Variants in SENP7 observed in about 807,000 individuals in gnomAD.
SENP7 encodes the protein sentrin-specific protease 7.
Under a neutral mutation model 141.2 loss-of-function variants are expected in SENP7, and 64 were observed. The ratio of observed to expected loss-of-function variants is 0.45; its 90% CI spans 0.37 to 0.56. The LOEUF (loss-of-function observed/expected upper bound fraction) is 0.56. Ranked by LOEUF, SENP7 falls within the 20% of genes least tolerant of loss-of-function variation. The pLI, the probability that SENP7 is intolerant of heterozygous loss-of-function variation, is 0.00. For missense variants in SENP7, 1,025 were observed against 1,212.2 expected, an observed-to-expected ratio of 0.85 and a Z score of 2.29; for synonymous variants, 382 against 426.4, an observed-to-expected ratio of 0.90 and a Z score of 1.28.
Position 101,340,202 on chromosome 3 carries a change from T to C in SENP7, c.2250A>G (p.Val750=). ...CCCCCTTAGTAGGTGGTGGAGGATATACAATCAACCTTAAAAGTAAAAATA... is the reference window on the plus strand; with the variant it reads ...CCCCCTTAGTAGGTGGTGGAGGATACACAATCAACCTTAAAAGTAAAAATA... The part of the protein sequence containing the change: ...RHTGLVQKLI[V]YPPPPTKGGL... Residue 750 remains valine (V), a synonymous_variant, in exon 16 of 24, where the codon GTA becomes GTG. Transcript: ENST00000394095. The C allele has an allele frequency of 6.3e-7, 1 of 1,593,034 alleles. No homozygotes were observed. The highest frequency in any genetic ancestry group is 8.5e-7 in the Non-Finnish European group (1 of 1,172,788).
At position 101,398,971 on chromosome 3, in the gene SENP7, A is replaced by G. The variant is rs535176751; in HGVS notation, c.567T>C (p.Ser189=). ...ATTGCAAGTTGTCTGTATCACTCAAACTTCCCTCAGTTACAGGTGGGGTCC... is the reference window on the plus strand; with the variant it reads ...ATTGCAAGTTGTCTGTATCACTCAAGCTTCCCTCAGTTACAGGTGGGGTCC... The part of the protein sequence containing the change: ...YIRTPPVTEG[S]LSDTDNLQSE... Residue 189 remains serine, a synonymous_variant, in exon 6 of 24, where the codon AGT becomes AGC. Coordinates refer to ENST00000394095, the MANE Select transcript of SENP7 (RefSeq NM_020654.5). 2 of 1,613,826 alleles carry G rather than the reference A, an allele frequency of 1.2e-6. No homozygotes were observed. Among genetic ancestry groups the G allele is most frequent in the African/African-American group, 1.3e-5 (1 of 75,034 alleles).
At chr3:101,457,363 C>T in intron 4 of SENP7, 1 of 1,413,456 alleles carries the variant, frequency 7.1e-7, no homozygotes, top group Non-Finnish European at 9.9e-7. Context: ...GGCAAAGCTT[C>T]AGCCAGTCTG....
chr3:101,470,813 C>T (rs541365918), intron 3 of SENP7, among the ~76,000 whole-genome samples: 4 of 152,272 alleles, frequency 2.6e-5, no homozygotes, highest in African/African-American at 9.6e-5. Flanking sequence ...TCTCAGGATA[C>T]AAAATAAATG....
chr3:101,331,325 A>C (rs1317160913), intron 19 of SENP7, among the ~76,000 whole-genome samples: 1 of 151,892 alleles, frequency 6.6e-6, no homozygotes, highest in Non-Finnish European at 1.5e-5. Flanking sequence ...ACAAAAAAAA[A>C]TTTAAAAATA....
At chr3:101,494,011 T>C (rs6791803) in intron 2 of SENP7, 43 bp from the exon 3 acceptor site, 98,459 of 1,239,476 alleles carry the variant, frequency 0.079, 4,467 homozygotes, top group African/African-American at 0.15. Flanking sequence ...TTGAACTATA[T>C]ACAAGAGCTA....
upstream of SENP7, chr3:101,513,212 G>GAAAAAAAAAAAAAAAAAAAA (rs1254138448): frequency 1.5e-5 from 2 of 132,840 alleles, no homozygotes; most frequent in Non-Finnish European, 1.3e-5. Context: ...GGAGGGGAAA[G>GAAAAAAAAAAAAAAAAAAAA]GAAAAAAAAA....
rs1186977070 is a variant in SENP7 at position 101,427,510 on chromosome 3, T to A, written c.285-9720A>T. Among the ~76,000 whole-genome samples the A allele has an allele frequency of 1.4e-4, 16 of 116,152 alleles. No homozygotes were observed. In the South Asian group the frequency reaches 1.4e-3, roughly 10 times the overall value. 76.2% of individuals were successfully genotyped at this position (116,152 alleles called of 152,430 possible). On this transcript the variant is annotated intron_variant, in intron 4 of 23. Coordinates refer to ENST00000394095, the MANE Select transcript of SENP7 (RefSeq NM_020654.5). ...GTCTCCAAAAAAAAAAAAAAAAAAA[T>A]TTGATTTATCACATAAACAGAGCTA...
At chr3:101,495,020 G>T (rs1420946951) in intron 2 of SENP7, among the ~76,000 whole-genome samples, 1 of 152,052 alleles carries the variant, frequency 6.6e-6, no homozygotes, top group Non-Finnish European at 1.5e-5. Context: ...AGAAAAATTT[G>T]GCAGTCTATC....
chr3:101,351,495 ATTT>A (rs527477781), intron 12 of SENP7, 120 bp downstream of exon 12: 2 of 750,148 alleles, frequency 2.7e-6, no homozygotes, highest in Non-Finnish European at 3.8e-6. Context: ...ATTATAAAAC[ATTT>A]TTACTCCATT....
intron 5 of SENP7, among the ~76,000 whole-genome samples, chr3:101,411,499 T>C (rs1251411273): frequency 6.6e-6 from 1 of 152,170 alleles, no homozygotes; most frequent in African/African-American, 2.4e-5. Context: ...TTATCCAGTT[T>C]GGGTACCCTG....
chr3:101,427,924 C>A (rs1357757873), intron 4 of SENP7, among the ~76,000 whole-genome samples: 3 of 151,892 alleles, frequency 2.0e-5, no homozygotes, highest in Non-Finnish European at 4.4e-5. Flanking sequence ...TCAACTCCCA[C>A]TTATGAGTGA....
chr3:101,381,608 T>A (rs951953359), intron 6 of SENP7, among the ~76,000 whole-genome samples: 2 of 152,026 alleles, frequency 1.3e-5, no homozygotes, highest in African/African-American at 4.8e-5. Flanking sequence ...AAATTACATA[T>A]AGATAATAAT....
At position 101,345,925 on chromosome 3, in the gene SENP7, A is replaced by C. The variant is rs542500602; in HGVS notation, c.1837+1947T>G. ...AAACAACAATAAATAGGTGGGACTT[A>C]ATTAAACTAAAGAGCTTTTGCATGG... On this transcript the variant is annotated intron_variant, in intron 13 of 23. Transcript: ENST00000394095. 3.9e-5 allele frequency among the ~76,000 whole-genome samples: 6 copies of C among 152,358 alleles called. No homozygotes were observed. The South Asian group carries it at 1.2e-3, about 32-fold the overall frequency.
intron 3 of SENP7, among the ~76,000 whole-genome samples, chr3:101,470,792 C>A (rs1382960870): frequency 1.3e-5 from 2 of 152,206 alleles, no homozygotes; most frequent in African/African-American, 4.8e-5. Flanking sequence ...TGAGAAGCAA[C>A]TTCAGCAAAG....
Position 101,493,892 on chromosome 3 carries a change from C to G in SENP7, c.167G>C (p.Arg56Pro). Residue 56 changes from arginine to proline, a missense_variant, in exon 3 of 24, where the codon CGC (arginine) becomes CCC (proline). Arg to Pro is a moderately radical substitution (Grantham distance 103, BLOSUM62 -2). Coordinates refer to ENST00000394095, the MANE Select transcript of SENP7 (RefSeq NM_020654.5). ...SPLSKFRSSE[R>P]WTLPLQWERS... is the part of the protein sequence containing the mutation. Reference sequence around the variant, plus strand: ...TACCACCTGCAAAGGGAGAGTCCAGCGTTCTGAGCTTCTGAATTTGGACAG... The same window carrying G: ...TACCACCTGCAAAGGGAGAGTCCAGGGTTCTGAGCTTCTGAATTTGGACAG... 1 of 1,601,256 alleles carries G rather than the reference C, an allele frequency of 6.2e-7. No individual in the cohort carries two copies. Among genetic ancestry groups the G allele is most frequent in the Non-Finnish European group, 8.5e-7 (1 of 1,170,520 alleles).
intron 9 of SENP7, among the ~76,000 whole-genome samples, chr3:101,365,344 A>G (rs1046530473): frequency 8.6e-5 from 13 of 151,938 alleles, no homozygotes; most frequent in African/African-American, 3.1e-4. Flanking sequence ...ATATCAAAAA[A>G]AGAACTTTTG....
intron 3 of SENP7, among the ~76,000 whole-genome samples, chr3:101,460,588 T>C (rs76236761): frequency 0.024 from 3,651 of 152,036 alleles, 170 homozygotes; most frequent in African/African-American, 0.084. Flanking sequence ...GCTAAAATTA[T>C]GAAACTCTTA....
chr3:101,492,032 C>T (rs1380642986), intron 3 of SENP7, among the ~76,000 whole-genome samples: 1 of 151,838 alleles, frequency 6.6e-6, no homozygotes, highest in African/African-American at 2.4e-5. Flanking sequence ...GCAGAGGTTG[C>T]GGTGAGCCGA....
At chr3:101,379,121 C>T (rs2060423334) in intron 6 of SENP7, among the ~76,000 whole-genome samples, 1 of 152,110 alleles carries the variant, frequency 6.6e-6, no homozygotes, top group South Asian at 2.1e-4. Flanking sequence ...GTACCAAGAC[C>T]ATTCAATGAG....
Sources: gnomAD v4.1 joint callset for allele counts (sites outside exome capture counted in the v4.1 genomes callset) on GRCh38, gnomAD v4.1.1 for gene constraint, MANE v1.5 for transcripts, NCBI Gene and HGNC (gene_info 2026-07-23, HGNC 2026-07-21) for gene names.